Variants in USP24 observed in about 807,000 individuals in gnomAD.
The protein encoded by USP24 is ubiquitin specific peptidase 24.
In USP24, 97 loss-of-function variants were observed where a neutral mutation model predicts 361.6. The ratio of observed to expected loss-of-function variants is 0.27; its 90% CI spans 0.23 to 0.32. The LOEUF is 0.32. Among genes scored for constraint, USP24 ranks in the 10% least tolerant of loss-of-function variants. USP24 has a pLI of 1.00. For synonymous variants in USP24, 1,098 were observed against 1,124.6 expected, an observed-to-expected ratio of 0.98 and a Z score of 0.47; for missense variants, 2,353 against 3,165.6, an observed-to-expected ratio of 0.74 and a Z score of 6.16.
intron 17 of USP24, 25 bp from the exon 18 acceptor site, chr1:55,147,823 A>T (rs1257067736): frequency 6.2e-7 from 1 of 1,607,126 alleles, no homozygotes; most frequent in Admixed American, 1.7e-5. Context: ...CAAAAAGAAA[A>T]GTGGTAATGA....
chr1:55,108,795 G>A (rs969285277), intron 39 of USP24, among the ~76,000 whole-genome samples: 19 of 152,192 alleles, frequency 1.2e-4, no homozygotes, highest in African/African-American at 4.3e-4. Context: ...AAGCCTGTAT[G>A]GCTGCTGGTC....
intron 10 of USP24, 119 bp downstream of exon 10, chr1:55,158,756 CTTT>C: frequency 1.1e-6 from 1 of 907,562 alleles, no homozygotes; most frequent in South Asian, 5.3e-5. Flanking sequence ...CAATCATTCT[CTTT>C]TTTATATGAT....
intron 32 of USP24, among the ~76,000 whole-genome samples, chr1:55,128,261 G>A (rs1417158478): frequency 6.6e-6 from 1 of 152,082 alleles, no homozygotes; most frequent in East Asian, 1.9e-4. Flanking sequence ...GATACTGTCA[G>A]CTCTCAGTCT....
At position 55,137,688 on chromosome 1, in the gene USP24, G is replaced by C. The variant is rs1443750487; in HGVS notation, c.3028C>G (p.Leu1010Val). The C allele has an allele frequency of 6.2e-7, 1 of 1,608,278 alleles. No individual in the cohort carries two copies. The highest frequency in any genetic ancestry group is 8.5e-7 in the Non-Finnish European group (1 of 1,177,752). ...AGCTTTTGATCTTTATTCACTGTCA[G>C]CTGCAAAAAGTGGTTTCTTAATTAT... Reference protein sequence around the residue: ...NIQIFTNDSLLTVNKDQKLLH... With the variant: ...NIQIFTNDSLVTVNKDQKLLH... The change falls in exon 28 of 68, where the codon CTG becomes GTG. Residue 1010 changes from leucine to valine, a missense_variant and splice_region_variant. Transcript: ENST00000294383.
At position 55,154,771 on chromosome 1, in the gene USP24, T is replaced by C. The variant is rs1238520793; in HGVS notation, c.1454A>G (p.Gln485Arg). ...LTKIWKIQSG[Q>R]SSTVIENIHT... The stretch of plus-strand genomic sequence containing the variant: ...AATGTTCTCAATCACAGTAGATGAT[T>C]GTCCTGACTGGAAAAGGAAACATTG... The change falls in exon 13 of 68, where the codon CAA becomes CGA. Residue 485 changes from glutamine to arginine, a missense_variant. Physicochemically the swap from Gln to Arg is conservative, Grantham distance 43. Transcript: ENST00000294383. 3 of 1,609,366 alleles carry C rather than the reference T, an allele frequency of 1.9e-6. No homozygotes were observed. Among genetic ancestry groups the C allele is most frequent in the African/African-American group, 1.3e-5 (1 of 74,830 alleles).
chr1:55,164,533 A>T (rs1397747098), intron 7 of USP24, among the ~76,000 whole-genome samples: 1 of 151,990 alleles, frequency 6.6e-6, no homozygotes, highest in Non-Finnish European at 1.5e-5. Flanking sequence ...TTCTAATTAT[A>T]CCTGTCTCCT....
Position 55,215,196 on chromosome 1 carries a change from G to A in USP24, c.-83C>T. The A allele has an allele frequency of 8.8e-7, 1 of 1,130,132 alleles. No individual in the cohort carries two copies. The highest frequency in any genetic ancestry group is 1.1e-6 in the Non-Finnish European group (1 of 906,186). 70.0% of individuals were successfully genotyped at this position (1,130,132 alleles called of 1,614,324 possible). On this transcript the variant is annotated 5_prime_UTR_variant, in exon 1 of 68. Transcript: ENST00000294383. ...TGGCGGGCCGCGCGGCGCACCCTCC[G>A]CGCCGCCTCCGCGCCCAGGTTGGCC...
At chr1:55,075,072 T>C (rs1185441308) in intron 63 of USP24, among the ~76,000 whole-genome samples, 1 of 152,186 alleles carries the variant, frequency 6.6e-6, no homozygotes, top group Admixed American at 6.5e-5. Flanking sequence ...CATTCACATT[T>C]CATGAGCCTG....
At chr1:55,094,201 T>C (rs1274135407) in intron 51 of USP24, 114 bp from the exon 52 acceptor site, 4 of 1,057,518 alleles carry the variant, frequency 3.8e-6, no homozygotes, top group Admixed American at 2.9e-5. Flanking sequence ...TTATTATACA[T>C]GTATCGAAAC....
intron 5 of USP24, among the ~76,000 whole-genome samples, chr1:55,169,158 A>C (rs879692578): frequency 2.0e-5 from 3 of 152,182 alleles, no homozygotes; most frequent in Admixed American, 2.0e-4. Flanking sequence ...ATAAATTAAA[A>C]ATTCAGTAAC....
intron 55 of USP24, chr1:55,086,484 A>C (rs963876049): frequency 1.2e-4 from 20 of 170,632 alleles, no homozygotes; most frequent in African/African-American, 4.7e-4. Flanking sequence ...ACTGATGGTC[A>C]GAAGAGCCTT....
At chr1:55,127,782 T>G (rs1173030796) in intron 32 of USP24, among the ~76,000 whole-genome samples, 1 of 152,194 alleles carries the variant, frequency 6.6e-6, no homozygotes, top group East Asian at 1.9e-4. Context: ...AGATGGTATC[T>G]CATTGTGGTT....
chr1:55,136,864 T>A (rs1646750692), intron 28 of USP24, among the ~76,000 whole-genome samples: 1 of 152,124 alleles, frequency 6.6e-6, no homozygotes, highest in African/African-American at 2.4e-5. Flanking sequence ...GTTAAGTGGA[T>A]GGATCCATTT....
intron 42 of USP24, 96 bp downstream of exon 42, chr1:55,103,776 ACTTT>A: frequency 4.5e-6 from 6 of 1,334,022 alleles, no homozygotes; most frequent in South Asian, 3.1e-5. Context: ...AGTAATACTG[ACTTT>A]CTTTGTGGTC....
In USP24 at chr1:55,068,930, G is replaced by T; in HGVS notation, c.*115C>A. ...AAATACACGATCCGCCCAAGTCACA[G>T]CAGCTTTCCCAGTCCAATCTCCAGG... is the stretch of plus-strand genomic sequence containing the variant. On this transcript the variant is annotated 3_prime_UTR_variant, in exon 68 of 68. Coordinates refer to ENST00000294383, the MANE Select transcript of USP24 (RefSeq NM_015306.3). 8.8e-7 allele frequency: 1 copy of T among 1,131,062 alleles called. No homozygotes were observed. Among genetic ancestry groups the T allele is most frequent in the Non-Finnish European group, 1.3e-6 (1 of 763,906 alleles). The allele number at this position is 1,131,062 out of a possible 1,614,324, so 70.1% of individuals were successfully genotyped here.
In USP24 at chr1:55,178,713, AAATAAATAAATAAAT is replaced by A. The variant is rs1471104692; in HGVS notation, c.325-596_325-582del. 7.2e-3 allele frequency among the ~76,000 whole-genome samples: 919 copies of A among 128,526 alleles called. 18 individuals are homozygous for A. The highest frequency in any genetic ancestry group is 0.034 in the African/African-American group (863 of 25,294). 84.3% of individuals were successfully genotyped at this position (128,526 alleles called of 152,430 possible). A position where few individuals can be genotyped will look rare whatever the true frequency, so the allele number is the denominator to read the frequency against. On this transcript the variant is annotated intron_variant, in intron 1 of 67. Transcript: ENST00000294383. ...TAAATAAATAAATAAATAAATAAAT[AAATAAATAAATAAAT>A]AAAAAGAACTGTCTAGGCCGGACAT...
At chr1:55,081,625 C>A (rs1352939402) in intron 58 of USP24, among the ~76,000 whole-genome samples, 1 of 152,136 alleles carries the variant, frequency 6.6e-6, no homozygotes, top group African/African-American at 2.4e-5. Flanking sequence ...AAACCAGTCC[C>A]TTTATGGATT....
intron 1 of USP24, among the ~76,000 whole-genome samples, chr1:55,186,708 G>C (rs1644142213): frequency 6.6e-6 from 1 of 152,134 alleles, no homozygotes; most frequent in Non-Finnish European, 1.5e-5. Context: ...AAAGTACTTA[G>C]AGTAGTCAAA....
At chr1:55,069,188 C>T in intron 67 of USP24, 81 bp from the exon 68 acceptor site, 1 of 1,418,422 alleles carries the variant, frequency 7.1e-7, no homozygotes, top group Non-Finnish European at 9.9e-7. Context: ...GCAATTTAAA[C>T]ATGTCTTCAT....
Sources: allele counts gnomAD v4.1 joint callset (sites outside exome capture counted in the v4.1 genomes callset), GRCh38; gene constraint gnomAD v4.1.1; transcripts MANE v1.5; gene names NCBI Gene and HGNC (gene_info 2026-07-23, HGNC 2026-07-21).